Variants in STPG2 observed in about 807,000 individuals in gnomAD.
STPG2 encodes the protein sperm-tail PG-rich repeat-containing protein 2.
In STPG2, 56 loss-of-function variants were observed where a neutral mutation model predicts 54.2. The ratio of observed to expected loss-of-function variants is 1.03; its 90% CI spans 0.83 to 1.29. The LOEUF (loss-of-function observed/expected upper bound fraction) is 1.29. Ranked by LOEUF, STPG2 falls within the 50% of genes most tolerant of loss-of-function variation. The pLI, the probability that STPG2 is intolerant of heterozygous loss-of-function variation, is 0.00. For missense variants in STPG2, 596 were observed against 544.9 expected (o/e 1.09, Z -0.93); for synonymous variants, 200 against 181.8 (o/e 1.10, Z -0.81).
chr4:97,742,600 A>C (rs1725295114), intron 9 of STPG2, among the ~76,000 whole-genome samples: 1 of 150,160 alleles, frequency 6.7e-6, no homozygotes, highest in South Asian at 2.1e-4. Flanking sequence ...AGGTCTTTAA[A>C]AAGATCTTAC....
chr4:97,713,485 T>C (rs1724195779), intron 9 of STPG2, among the ~76,000 whole-genome samples: 1 of 152,228 alleles, frequency 6.6e-6, no homozygotes, highest in Non-Finnish European at 1.5e-5. Context: ...ACCACTTTCA[T>C]AGACAATGGG....
chr4:97,618,784 T>C (rs1733934596), intron 10 of STPG2, among the ~76,000 whole-genome samples: 1 of 152,204 alleles, frequency 6.6e-6, no homozygotes, highest in Non-Finnish European at 1.5e-5. Context: ...TGTATTTTAT[T>C]CTCTTTTGTT....
chr4:97,687,119 AT>A (rs1421058405), intron 10 of STPG2, among the ~76,000 whole-genome samples: 2 of 149,738 alleles, frequency 1.3e-5, no homozygotes, highest in African/African-American at 4.9e-5. Flanking sequence ...TTTTTTTTTT[AT>A]TTTTTATTTT....
At chr4:98,079,576 TTC>T (rs1244676900) in intron 5 of STPG2, among the ~76,000 whole-genome samples, 2 of 152,202 alleles carry the variant, frequency 1.3e-5, no homozygotes, top group Non-Finnish European at 2.9e-5. Context: ...TCTTTACTAC[TTC>T]TCTTTATTAA....
At chr4:97,857,909 T>A (rs961286134) in intron 8 of STPG2, among the ~76,000 whole-genome samples, 1 of 152,056 alleles carries the variant, frequency 6.6e-6, no homozygotes, top group Non-Finnish European at 1.5e-5. Context: ...TGCTGAGGAT[T>A]GCATCACACT....
chr4:97,441,725 G>A (rs1345362455), intron 4 of STPG2, among the ~76,000 whole-genome samples: 1 of 151,846 alleles, frequency 6.6e-6, no homozygotes, highest in Non-Finnish European at 1.5e-5. Flanking sequence ...TTCATATTAT[G>A]TCATAATTCT....
intron 9 of STPG2, among the ~76,000 whole-genome samples, chr4:97,734,466 G>T (rs1375625774): frequency 6.6e-6 from 1 of 152,032 alleles, no homozygotes; most frequent in Non-Finnish European, 1.5e-5. Flanking sequence ...TCCCCTCTAT[G>T]TGTCCATGTG....
At chr4:97,847,524 C>T (rs1728991379) in intron 8 of STPG2, among the ~76,000 whole-genome samples, 1 of 152,058 alleles carries the variant, frequency 6.6e-6, no homozygotes, top group Non-Finnish European at 1.5e-5. Context: ...TTAGAATTGA[C>T]TGGAAAACAT....
intron 9 of STPG2, among the ~76,000 whole-genome samples, chr4:97,749,812 A>G (rs1015807280): frequency 1.3e-5 from 2 of 151,700 alleles, no homozygotes; most frequent in Non-Finnish European, 3.0e-5. Context: ...CCTAATTCTG[A>G]TGTTTGTTCT....
chr4:97,846,507 C>T (rs1240831872), intron 8 of STPG2, among the ~76,000 whole-genome samples: 1 of 151,646 alleles, frequency 6.6e-6, no homozygotes, highest in Admixed American at 6.6e-5. Context: ...TGCCTGTAAT[C>T]CCAGCTACTC....
chr4:97,888,083 G>A (rs937012717), intron 8 of STPG2, among the ~76,000 whole-genome samples: 1 of 152,208 alleles, frequency 6.6e-6, no homozygotes, highest in African/African-American at 2.4e-5. Flanking sequence ...GAGAATATAT[G>A]GAAAAGCCCT....
intron 4 of STPG2, among the ~76,000 whole-genome samples, chr4:97,449,995 CTTAT>C (rs1367472777): frequency 1.3e-5 from 2 of 151,934 alleles, no homozygotes; most frequent in Non-Finnish European, 2.9e-5. Context: ...GTCACCAATA[CTTAT>C]TTATAATATG....
At chr4:97,836,736 T>G (rs1728645730) in intron 9 of STPG2, among the ~76,000 whole-genome samples, 1 of 151,518 alleles carries the variant, frequency 6.6e-6, no homozygotes, top group Admixed American at 6.6e-5. Flanking sequence ...TCAATCTACC[T>G]CTTCATTTAT....
chr4:97,882,087 A>T (rs1267825762), intron 8 of STPG2, among the ~76,000 whole-genome samples: 1 of 152,170 alleles, frequency 6.6e-6, no homozygotes, highest in African/African-American at 2.4e-5. Flanking sequence ...GCAGTACAGG[A>T]GGATGATGAG....
intron 8 of STPG2, among the ~76,000 whole-genome samples, chr4:97,909,979 G>T (rs2149198567): frequency 6.6e-6 from 1 of 152,252 alleles, no homozygotes; most frequent in Middle Eastern, 3.4e-3. Context: ...GATTTGTAAA[G>T]TCACTTTCCA....
chr4:97,644,729 A>T (rs1025619059), intron 10 of STPG2, among the ~76,000 whole-genome samples: 2 of 152,018 alleles, frequency 1.3e-5, no homozygotes, highest in African/African-American at 2.4e-5. Flanking sequence ...ATATCCTTTC[A>T]TTTTAAGAAC....
At chr4:97,802,383 A>G (rs1202750042) in intron 9 of STPG2, among the ~76,000 whole-genome samples, 1 of 152,172 alleles carries the variant, frequency 6.6e-6, no homozygotes, top group Non-Finnish European at 1.5e-5. Context: ...GGTCTCCTTC[A>G]GTGTTTTCTC....
chr4:97,904,335 G>A (rs1312158814), intron 8 of STPG2, among the ~76,000 whole-genome samples: 2 of 152,172 alleles, frequency 1.3e-5, no homozygotes, highest in Non-Finnish European at 2.9e-5. Flanking sequence ...CCCCAGCAGG[G>A]GCAGACTGAC....
At chr4:97,953,035 C>T (rs1459900170) in intron 7 of STPG2, among the ~76,000 whole-genome samples, 1 of 152,128 alleles carries the variant, frequency 6.6e-6, no homozygotes, top group Non-Finnish European at 1.5e-5. Flanking sequence ...AGGTGACGGG[C>T]AGAGCTATAG....
Sources: gnomAD v4.1 joint callset for allele counts (sites outside exome capture counted in the v4.1 genomes callset) on GRCh38, gnomAD v4.1.1 for gene constraint, MANE v1.5 for transcripts, NCBI Gene and HGNC (gene_info 2026-07-23, HGNC 2026-07-21) for gene names.